The following GTPBP4 variants were observed in gnomAD, a reference collection of about 807,000 sequenced individuals.
The protein encoded by GTPBP4 is GTP binding protein 4.
GTPBP4 carries 15 observed loss-of-function variants against 81.7 expected under a neutral mutation model. That is an observed-to-expected ratio of 0.18 (90% CI 0.12 to 0.28). The LOEUF is 0.28. Among genes scored for constraint, GTPBP4 ranks in the 10% least tolerant of loss-of-function variants. The pLI is 1.00. For synonymous variants in GTPBP4, 272 were observed against 274.6 expected, an observed-to-expected ratio of 0.99 and a Z score of 0.09; for missense variants, 847 against 793.8, an observed-to-expected ratio of 1.07 and a Z score of -0.81.
At chr10:1,010,328 G>T in intron 12 of GTPBP4, 92 bp from the exon 13 acceptor site, 25 of 699,324 alleles carry the variant, frequency 3.6e-5, no homozygotes, top group East Asian at 1.1e-4. Flanking sequence ...TGGAGTCGTT[G>T]ATTTGCCGTC....
chr10:1,005,779 A>G, intron 8 of GTPBP4, 39 bp from the exon 9 acceptor site: 2 of 1,142,588 alleles, frequency 1.8e-6, no homozygotes, highest in Admixed American at 1.7e-5. Flanking sequence ...GGAACTGGAA[A>G]TGAATAATAC....
chr10:994,029 G>C (rs1156875653), intron 2 of GTPBP4, among the ~76,000 whole-genome samples: 1 of 152,104 alleles, frequency 6.6e-6, no homozygotes, highest in African/African-American at 2.4e-5. Context: ...AAAGTGCTGG[G>C]ATTACAGGTG....
intron 5 of GTPBP4, among the ~76,000 whole-genome samples, chr10:998,772 AG>A (rs1196807223): frequency 6.6e-6 from 1 of 152,136 alleles, no homozygotes; most frequent in Non-Finnish European, 1.5e-5. Flanking sequence ...TGGGAGGGTG[AG>A]GGGAGGTGGT....
intron 16 of GTPBP4, 110 bp from the exon 17 acceptor site, chr10:1,016,965 C>G (rs11250223): frequency 2.5e-6 from 2 of 790,040 alleles, no homozygotes; most frequent in African/African-American, 3.5e-5. Context: ...AGGGTCTCTT[C>G]GCTGAGCAGA....
chr10:1,005,039 T>A (rs191214491), intron 8 of GTPBP4, among the ~76,000 whole-genome samples: 6 of 152,232 alleles, frequency 3.9e-5, no homozygotes, highest in Non-Finnish European at 7.4e-5. Flanking sequence ...GCTGCTGCCA[T>A]CCTCTTGCTT....
intron 8 of GTPBP4, among the ~76,000 whole-genome samples, chr10:1,001,682 GTT>G (rs35451774): frequency 0.77 from 109,246 of 141,936 alleles, 42,041 homozygotes; most frequent in Middle Eastern, 0.82. Flanking sequence ...CTCATGGGTG[GTT>G]TTTTTTTTTT....
At chr10:1,006,494 C>T (rs183453001) in intron 9 of GTPBP4, among the ~76,000 whole-genome samples, 2 of 152,248 alleles carry the variant, frequency 1.3e-5, no homozygotes, top group East Asian at 1.9e-4. Context: ...CAAAATTAGC[C>T]GGGCGTGGTA....
intron 4 of GTPBP4, chr10:996,974 TA>T: frequency 2.0e-6 from 1 of 504,720 alleles, no homozygotes; most frequent in Admixed American, 3.7e-5. Flanking sequence ...AACGTGGGCT[TA>T]GAAGGGCTGA....
Position 1,019,805 on chromosome 10 carries a change from T to G in GTPBP4, c.*2578T>G. 6.2e-7 allele frequency: 1 copy of G among 1,614,042 alleles called. No individual in the cohort carries two copies. Among genetic ancestry groups the G allele is most frequent in the Non-Finnish European group, 8.5e-7 (1 of 1,179,906 alleles). On this transcript the variant is annotated 3_prime_UTR_variant, in exon 17 of 17. Coordinates refer to ENST00000360803, the MANE Select transcript of GTPBP4 (RefSeq NM_012341.3). ...CTGATTTTGCCTTGTGGTGATAGAT[T>G]GTCATGAACACAATGTCCTCTGGAG...
Position 997,244 on chromosome 10 carries a change from C to A in GTPBP4, c.497C>A (p.Pro166Gln). 1 of 1,608,320 alleles carries A rather than the reference C, an allele frequency of 6.2e-7. No individual in the cohort carries two copies. The highest frequency in any genetic ancestry group is 8.5e-7 in the Non-Finnish European group (1 of 1,174,712). The change falls in exon 5 of 17, where the codon CCG becomes CAG. Residue 166 changes from proline to glutamine, a missense_variant. Coordinates refer to ENST00000360803, the MANE Select transcript of GTPBP4 (RefSeq NM_012341.3). ...QHLSRLPTID[P>Q]NTRTLLLCGY... ...TTATCCCGTTTGCCAACCATTGATCCGAATACCAGGACCCTGCTTTTGTGT... is the reference window on the plus strand; with the variant it reads ...TTATCCCGTTTGCCAACCATTGATCAGAATACCAGGACCCTGCTTTTGTGT...
chr10:993,233 A>G (rs867110058), intron 2 of GTPBP4, among the ~76,000 whole-genome samples: 10 of 152,028 alleles, frequency 6.6e-5, no homozygotes, highest in Admixed American at 4.6e-4. Flanking sequence ...TCTGCTGCAC[A>G]TTGCAGTTTG....
intron 1 of GTPBP4, 28 bp downstream of exon 1, chr10:988,555 A>G (rs1161148165): frequency 6.3e-7 from 1 of 1,577,822 alleles, no homozygotes; most frequent in African/African-American, 1.3e-5. Context: ...GGCCACTGCA[A>G]CTTTCGCGTT....
At chr10:1,007,260 CCTT>C (rs1159632785) in intron 10 of GTPBP4, 132 bp downstream of exon 10, 1 of 611,814 alleles carries the variant, frequency 1.6e-6, no homozygotes, top group African/African-American at 1.8e-5. Context: ...CTCAGTTTCA[CCTT>C]CTTGCTTACA....
In GTPBP4 at chr10:1,003,157, T is replaced by G. The variant is rs536610391; in HGVS notation, c.912+2144T>G. 2.7e-3 allele frequency among the ~76,000 whole-genome samples: 414 copies of G among 152,350 alleles called. 1 individual carries two copies. Among genetic ancestry groups the G allele is most frequent in the African/African-American group, 9.6e-3 (398 of 41,570 alleles). On this transcript the variant is annotated intron_variant, in intron 8 of 16. Transcript: ENST00000360803. ...AGGTAGTTTCAAATGACAGAGATTT[T>G]TTTTCTGCTTCATCCAGTGTGCTGT...
intron 1 of GTPBP4, chr10:988,775 G>A: frequency 2.0e-6 from 1 of 490,938 alleles, no homozygotes; most frequent in South Asian, 2.6e-5. Context: ...CAAAGACTGA[G>A]GGCCCCCAGA....
intron 10 of GTPBP4, chr10:1,007,460 G>T (rs72760909): frequency 0.038 from 8,591 of 228,226 alleles, 300 homozygotes; most frequent in African/African-American, 0.11. Flanking sequence ...TTTGGCTGGG[G>T]GAAGTAGCTC....
At position 1,019,501 on chromosome 10, in the gene GTPBP4, T is replaced by C. The variant is rs764684598; in HGVS notation, c.*2274T>C. On this transcript the variant is annotated 3_prime_UTR_variant, in exon 17 of 17. Coordinates refer to ENST00000360803, the MANE Select transcript of GTPBP4 (RefSeq NM_012341.3). The stretch of plus-strand genomic sequence containing the variant: ...ACTGAGGGCATTACACATGGCTGAC[T>C]CGACCTCCCTGCCTCTCACACTCTG... 3.1e-6 allele frequency: 5 copies of C among 1,600,020 alleles called. No individual in the cohort carries two copies. The highest frequency in any genetic ancestry group is 1.1e-5 in the South Asian group (1 of 89,346).
rs1831702454 is a variant in GTPBP4 at position 1,005,106 on chromosome 10, G to A, written c.913-712G>A. Among the ~76,000 whole-genome samples, 3 of 152,124 alleles carry A rather than the reference G, an allele frequency of 2.0e-5. No individual in the cohort carries two copies. The South Asian group carries it at 6.2e-4, about 31-fold the overall frequency. ...GGTCCCGTTGCATCCCAGCTGTAGG[G>A]TGGGTTGCTGGCGGCCCAGTGTGTT... On this transcript the variant is annotated intron_variant, in intron 8 of 16. Coordinates refer to ENST00000360803, the MANE Select transcript of GTPBP4 (RefSeq NM_012341.3).
chr10:1,006,424 A>C (rs1831735032), intron 9 of GTPBP4, among the ~76,000 whole-genome samples: 1 of 152,204 alleles, frequency 6.6e-6, no homozygotes, highest in Non-Finnish European at 1.5e-5. Context: ...AGATCACCCA[A>C]GGTCGGGAGT....
Sources: gnomAD v4.1 joint callset for allele counts (sites outside exome capture counted in the v4.1 genomes callset) on GRCh38, gnomAD v4.1.1 for gene constraint, MANE v1.5 for transcripts, NCBI Gene and HGNC (gene_info 2026-07-23, HGNC 2026-07-21) for gene names.